The following DHRSX variants were observed in gnomAD, a reference collection of about 807,000 sequenced individuals.
The protein encoded by DHRSX is polyprenol dehydrogenase.
A neutral mutation model predicts 34.0 loss-of-function variants in DHRSX; 31 were observed. The observed-to-expected ratio is 0.91, with a 90% CI of 0.69 to 1.23. The LOEUF is 1.23. DHRSX is among the 50% of genes most tolerant of loss of function. The probability of loss-of-function intolerance (pLI) is 0.00; values close to 1 mark genes in which losing one functional copy is unlikely to be tolerated. For synonymous variants in DHRSX, 201 were observed against 183.8 expected (o/e 1.09, Z -0.76); for missense variants, 414 against 428.1 (o/e 0.97, Z 0.29).
intron 3 of DHRSX, among the ~76,000 whole-genome samples, chrX:2,310,011 C>T (rs1271090690): frequency 6.6e-6 from 1 of 152,150 alleles, no homozygotes; most frequent in Non-Finnish European, 1.5e-5. Flanking sequence ...AGCTTTCAAG[C>T]ATCTACCAAC....
rs147617568 is a variant in DHRSX, at chrX:2,248,526, T to C, written c.597-5296A>G. On this transcript the variant is annotated intron_variant, in intron 5 of 6. Coordinates refer to ENST00000334651, the MANE Select transcript of DHRSX (RefSeq NM_145177.3). ...TACTCGGGAGGCTGAGGCAGGAAAA[T>C]TGCTTGAACCCAGAAGGTGGAGGCT... 8.1e-3 allele frequency among the ~76,000 whole-genome samples: 1,165 copies of C among 144,058 alleles called. 14 individuals carry two copies. The highest frequency in any genetic ancestry group is 0.029 in the African/African-American group (1,106 of 38,470). 94.5% of individuals were successfully genotyped at this position (144,058 alleles called of 152,430 possible).
At position 2,391,018 on chromosome X, in the gene DHRSX, C is replaced by T. The variant is rs1010847187; in HGVS notation, c.286+17727G>A. ...TTTTTATGGCTGCGTAATATTCCAC[C>T]GTTTGGATATACCACATTCTGCTTA... On this transcript the variant is annotated intron_variant, in intron 3 of 6. Transcript: ENST00000334651. Among the ~76,000 whole-genome samples the T allele has an allele frequency of 5.3e-5, 8 of 152,182 alleles. No individual in the cohort carries two copies. In the East Asian group the frequency reaches 5.8e-4, roughly 11 times the overall value.
At chrX:2,291,896 ATTTTTT>A (rs928376249) in intron 3 of DHRSX, among the ~76,000 whole-genome samples, 3 of 96,144 alleles carry the variant, frequency 3.1e-5, no homozygotes, top group Non-Finnish European at 4.2e-5. Flanking sequence ...GTATTTTTGT[ATTTTTT>A]TTTTTTTTTT....
intron 3 of DHRSX, among the ~76,000 whole-genome samples, chrX:2,326,877 T>C (rs2042393660): frequency 6.6e-6 from 1 of 151,532 alleles, no homozygotes; most frequent in Admixed American, 6.6e-5. Context: ...AATGGCGCAA[T>C]CTCGGCTCAC....
chrX:2,485,966 G>A (rs1430221572), intron 1 of DHRSX, among the ~76,000 whole-genome samples: 2 of 151,576 alleles, frequency 1.3e-5, no homozygotes, highest in African/African-American at 2.4e-5. Context: ...AAGAGAGGGA[G>A]GGTTGGACGG....
At chrX:2,386,468 C>T (rs1310704041) in intron 3 of DHRSX, among the ~76,000 whole-genome samples, 4 of 152,186 alleles carry the variant, frequency 2.6e-5, no homozygotes, top group South Asian at 2.1e-4. Context: ...ACCCGCCCAA[C>T]TCAGCCTCCC....
chrX:2,238,223 G>A (rs968678494), intron 6 of DHRSX, among the ~76,000 whole-genome samples: 1 of 152,134 alleles, frequency 6.6e-6, no homozygotes, highest in Non-Finnish European at 1.5e-5. Context: ...CAGGCATGCT[G>A]GTGCATTCGT....
At chrX:2,308,343 A>T (rs1208295169) in intron 3 of DHRSX, among the ~76,000 whole-genome samples, 1 of 152,176 alleles carries the variant, frequency 6.6e-6, no homozygotes, top group Non-Finnish European at 1.5e-5. Context: ...AAAGATACAG[A>T]GTATTAAAAA....
intron 4 of DHRSX, among the ~76,000 whole-genome samples, chrX:2,276,563 A>G (rs192079070): frequency 0.026 from 3,917 of 152,210 alleles, 166 homozygotes; most frequent in African/African-American, 0.088. Flanking sequence ...TGGTCTGTGC[A>G]CCTAATGGCA....
At chrX:2,270,131 G>A (rs941630892) in intron 4 of DHRSX, among the ~76,000 whole-genome samples, 1 of 152,118 alleles carries the variant, frequency 6.6e-6, no homozygotes, top group Non-Finnish European at 1.5e-5. Context: ...ATATCTGTAT[G>A]TTATTTGTGC....
intron 3 of DHRSX, among the ~76,000 whole-genome samples, chrX:2,357,756 C>G (rs1003693002): frequency 1.4e-5 from 2 of 147,750 alleles, no homozygotes; most frequent in Non-Finnish European, 3.0e-5. Flanking sequence ...TGTGCCCAGA[C>G]ACACACACAC....
chrX:2,406,340 T>A (rs1385134005), intron 3 of DHRSX, among the ~76,000 whole-genome samples: 10 of 151,840 alleles, frequency 6.6e-5, no homozygotes, highest in African/African-American at 2.4e-4. Flanking sequence ...ACATCACTAA[T>A]CATCAGGGAA....
chrX:2,486,051 G>T (rs895638093), intron 1 of DHRSX, among the ~76,000 whole-genome samples: 32 of 152,028 alleles, frequency 2.1e-4, no homozygotes, highest in African/African-American at 6.8e-4. Flanking sequence ...AGGAGGCTGG[G>T]GGGAGAGGGA....
intron 1 of DHRSX, chrX:2,490,586 A>G: frequency 6.2e-7 from 1 of 1,613,756 alleles, no homozygotes; most frequent in Non-Finnish European, 8.5e-7. Flanking sequence ...GCGGCAGTAG[A>G]TTTTCTTCCA....
At chrX:2,476,649 C>T (rs1216814226) in intron 1 of DHRSX, among the ~76,000 whole-genome samples, 4 of 152,168 alleles carry the variant, frequency 2.6e-5, no homozygotes, top group Non-Finnish European at 5.9e-5. Flanking sequence ...AACAACGCCA[C>T]GTAGACTGGA....
chrX:2,488,378 T>C, intron 1 of DHRSX: 2 of 447,420 alleles, frequency 4.5e-6, no homozygotes, highest in Non-Finnish European at 7.7e-6. Flanking sequence ...TTTCGCCATG[T>C]TGGCCAGGCT....
At chrX:2,307,318 G>T (rs1449703556) in intron 3 of DHRSX, among the ~76,000 whole-genome samples, 1 of 152,134 alleles carries the variant, frequency 6.6e-6, no homozygotes, top group East Asian at 1.9e-4. Context: ...AAGAGCAGGG[G>T]AGGGAGAGGG....
Position 2,239,522 on chromosome X carries a change from C to T in DHRSX, c.804+3501G>A, listed in dbSNP as rs1352169800. Among the ~76,000 whole-genome samples the T allele has an allele frequency of 2.0e-5, 3 of 151,532 alleles. No individual in the cohort carries two copies. The East Asian group carries it at 5.8e-4, about 29-fold the overall frequency. Reference sequence around the variant, plus strand: ...CTGTAATCCCAACACTTTGAGAGGCCGAGGCAGGTGGATCACGAGGTCAGG... The same window carrying T: ...CTGTAATCCCAACACTTTGAGAGGCTGAGGCAGGTGGATCACGAGGTCAGG... On this transcript the variant is annotated intron_variant, in intron 6 of 6. Coordinates refer to ENST00000334651, the MANE Select transcript of DHRSX (RefSeq NM_145177.3).
At chrX:2,436,537 C>T (rs2043994425) in intron 1 of DHRSX, among the ~76,000 whole-genome samples, 2 of 150,712 alleles carry the variant, frequency 1.3e-5, no homozygotes, top group African/African-American at 2.4e-5. Flanking sequence ...TCTGTCACCC[C>T]GGCTGGAGTG....
Sources: allele counts gnomAD v4.1 joint callset (sites outside exome capture counted in the v4.1 genomes callset), GRCh38; gene constraint gnomAD v4.1.1; transcripts MANE v1.5; gene names NCBI Gene and HGNC (gene_info 2026-07-23, HGNC 2026-07-21).